Variants in TYW1 observed in about 807,000 individuals in gnomAD.
The protein encoded by TYW1 is tRNA-yW synthesizing protein 1 homolog, also known as S-adenosyl-L-methionine-dependent tRNA 4-demethylwyosine synthase TYW1.
Under a neutral mutation model 96.2 loss-of-function variants are expected in TYW1, and 46 were observed. That is an observed-to-expected ratio of 0.48 (90% confidence interval 0.38 to 0.61). The LOEUF (loss-of-function observed/expected upper bound fraction) is 0.61. Among genes scored for constraint, TYW1 ranks in the 20% least tolerant of loss-of-function variants. TYW1 has a pLI of 0.00. For synonymous variants in TYW1, 274 were observed against 323.0 expected (o/e 0.85, Z 1.63); for missense variants, 684 against 909.6 (o/e 0.75, Z 3.19).
chr7:67,152,624 C>T (rs1399535868), intron 13 of TYW1, among the ~76,000 whole-genome samples: 1 of 152,098 alleles, frequency 6.6e-6, no homozygotes, highest in African/African-American at 2.4e-5. Flanking sequence ...TTCTTTGAGA[C>T]AGAGTCTCCC....
intron 13 of TYW1, among the ~76,000 whole-genome samples, chr7:67,132,966 G>A (rs999604681): frequency 2.0e-5 from 3 of 151,934 alleles, no homozygotes; most frequent in Non-Finnish European, 2.9e-5. Context: ...AATTTCTTTC[G>A]GAACTAACCT....
At chr7:67,133,256 TC>T (rs57371383) in intron 13 of TYW1, among the ~76,000 whole-genome samples, 41,743 of 151,472 alleles carry the variant, frequency 0.28, 6,552 homozygotes, top group African/African-American at 0.43. Flanking sequence ...CCCACCTCAG[TC>T]CCCCCACGAA....
intron 1 of TYW1, among the ~76,000 whole-genome samples, 176 bp downstream of exon 1, chr7:66,997,158 G>C (rs1448237973): frequency 6.6e-6 from 1 of 152,222 alleles, no homozygotes; most frequent in Non-Finnish European, 1.5e-5. Flanking sequence ...TTTTGACCTG[G>C]CTTTTGCCTT....
chr7:67,231,323 A>T (rs1361619434), intron 15 of TYW1, among the ~76,000 whole-genome samples: 1 of 151,876 alleles, frequency 6.6e-6, no homozygotes, highest in Non-Finnish European at 1.5e-5. Context: ...TTACTTACCC[A>T]CCTACCTTGG....
At chr7:67,012,222 C>T (rs1052338599) in intron 4 of TYW1, among the ~76,000 whole-genome samples, 2 of 151,944 alleles carry the variant, frequency 1.3e-5, no homozygotes, top group Middle Eastern at 3.2e-3. Flanking sequence ...GTGGTGCGCG[C>T]CTGTAGTCCC....
intron 15 of TYW1, among the ~76,000 whole-genome samples, chr7:67,218,680 GT>G (rs1801282426): frequency 3.3e-5 from 5 of 152,080 alleles, no homozygotes; most frequent in Admixed American, 3.3e-4. Flanking sequence ...ACCTGTTTTT[GT>G]TTTTGTTTTT....
chr7:67,026,443 C>T (rs1179066685), intron 7 of TYW1, among the ~76,000 whole-genome samples: 1 of 152,164 alleles, frequency 6.6e-6, no homozygotes, highest in Admixed American at 6.6e-5. Context: ...TCCTGAATGG[C>T]ATCAAAGTGG....
At position 67,077,075 on chromosome 7, in the gene TYW1, C is replaced by G. The variant is rs141476550; in HGVS notation, c.1275-6355C>G. Among the ~76,000 whole-genome samples, 1,433 of 152,222 alleles carry G rather than the reference C, an allele frequency of 9.4e-3. 25 individuals are homozygous for G. Among genetic ancestry groups the G allele is most frequent in the African/African-American group, 0.033 (1,353 of 41,554 alleles). Reference sequence around the variant, plus strand: ...AGGCGTGACCCACTATGCCCAGCCTCATTCTTTTTTATAGGGCTAAATAAT... The same window carrying G: ...AGGCGTGACCCACTATGCCCAGCCTGATTCTTTTTTATAGGGCTAAATAAT... On this transcript the variant is annotated intron_variant, in intron 10 of 15. Coordinates refer to ENST00000359626, the MANE Select transcript of TYW1 (RefSeq NM_018264.4).
chr7:67,193,278 T>G (rs1957047063), intron 14 of TYW1, among the ~76,000 whole-genome samples: 1 of 152,158 alleles, frequency 6.6e-6, no homozygotes, highest in Non-Finnish European at 1.5e-5. Flanking sequence ...AAGATTCTCT[T>G]GTTTATTGTA....
chr7:67,162,170 C>T (rs1584638279), intron 13 of TYW1, among the ~76,000 whole-genome samples: 1 of 151,740 alleles, frequency 6.6e-6, no homozygotes, highest in East Asian at 1.9e-4. Flanking sequence ...AAAAATTGGC[C>T]GGGCGTGGTG....
At chr7:67,052,682 A>C (rs1184285761) in intron 8 of TYW1, among the ~76,000 whole-genome samples, 2 of 152,056 alleles carry the variant, frequency 1.3e-5, no homozygotes, top group Non-Finnish European at 2.9e-5. Context: ...CTTTGATTGG[A>C]TGTCAGACCT....
chr7:67,086,748 T>A (rs1030730218), intron 11 of TYW1, among the ~76,000 whole-genome samples: 2 of 152,156 alleles, frequency 1.3e-5, no homozygotes, highest in African/African-American at 2.4e-5. Context: ...AGCCCAGCAA[T>A]TTAAATGTTA....
intron 11 of TYW1, among the ~76,000 whole-genome samples, chr7:67,087,233 C>T (rs1796576396): frequency 1.3e-5 from 2 of 152,254 alleles, no homozygotes; most frequent in South Asian, 2.1e-4. Flanking sequence ...TCCGTGAGCA[C>T]GTGTTTTTCA....
intron 15 of TYW1, among the ~76,000 whole-genome samples, chr7:67,207,712 T>A (rs1420792771): frequency 7.9e-6 from 1 of 127,270 alleles, no homozygotes; most frequent in Non-Finnish European, 1.6e-5. Flanking sequence ...AGTCATTTTG[T>A]TTGCCTTTTT....
At chr7:67,189,322 TTG>T (rs60234126) in intron 14 of TYW1, among the ~76,000 whole-genome samples, 3 of 151,422 alleles carry the variant, frequency 2.0e-5, no homozygotes, top group East Asian at 1.9e-4. Flanking sequence ...TGCATCTGTG[TTG>T]TGTGTGTGCA....
At chr7:66,997,845 T>G (rs989375370) in intron 1 of TYW1, among the ~76,000 whole-genome samples, 15 of 152,242 alleles carry the variant, frequency 9.9e-5, no homozygotes, top group Middle Eastern at 3.4e-3. Flanking sequence ...GCCAGGCTGG[T>G]CTCGAACTCC....
chr7:67,094,651 A>AGAGT (rs745340578), intron 11 of TYW1, among the ~76,000 whole-genome samples: 15 of 141,600 alleles, frequency 1.1e-4, no homozygotes, highest in Admixed American at 1.0e-3. Flanking sequence ...AGAGAATTAG[A>AGAGT]GTGTGTGTGT....
chr7:67,098,080 G>A (rs1325863285), intron 11 of TYW1, among the ~76,000 whole-genome samples: 3 of 152,136 alleles, frequency 2.0e-5, no homozygotes, highest in Non-Finnish European at 4.4e-5. Flanking sequence ...TGAAGCCAAA[G>A]ATAAGAACGA....
chr7:67,072,217 C>G (rs34020502), intron 10 of TYW1, among the ~76,000 whole-genome samples: 29,392 of 144,734 alleles, frequency 0.2, 3,208 homozygotes, highest in African/African-American at 0.26. Flanking sequence ...GTTCATGTAC[C>G]TACTGAGACC....
Sources: allele counts gnomAD v4.1 joint callset (sites outside exome capture counted in the v4.1 genomes callset), GRCh38; gene constraint gnomAD v4.1.1; transcripts MANE v1.5; gene names NCBI Gene and HGNC (gene_info 2026-07-23, HGNC 2026-07-21).